Variants in LIMCH1 observed in about 807,000 individuals in gnomAD.
The protein encoded by LIMCH1 is LIM and calponin homology domains-containing protein 1.
In LIMCH1, 113 loss-of-function variants were observed where a neutral mutation model predicts 176.5. The ratio of observed to expected loss-of-function variants is 0.64; its 90% CI spans 0.55 to 0.75. The LOEUF is 0.75. Ranked by LOEUF, LIMCH1 falls within the 30% of genes least tolerant of loss-of-function variation. The probability of loss-of-function intolerance (pLI) is 0.00; values close to 1 mark genes in which losing one functional copy is unlikely to be tolerated. For synonymous variants in LIMCH1, 619 were observed against 645.9 expected (o/e 0.96, Z 0.63); for missense variants, 1,674 against 1,814.9 (o/e 0.92, Z 1.41).
Position 41,492,290 on chromosome 4 carries a change from A to G in LIMCH1, c.97-2246A>G, listed in dbSNP as rs2071218200. On this transcript the variant is annotated intron_variant, in intron 1 of 26. Coordinates refer to the LIMCH1 transcript ENST00000313860. ...GCGGTGTGTGCCTGGAATCCCAGGC[A>G]CTGGGCAGGCCGAGGCAGGAGAATC... Among the ~76,000 whole-genome samples, 2 of 152,140 alleles carry G rather than the reference A, an allele frequency of 1.3e-5. 1 individual carries two copies. Among genetic ancestry groups the G allele is most frequent in the Admixed American group, 1.3e-4 (2 of 15,276 alleles).
intron 3 of LIMCH1, among the ~76,000 whole-genome samples, chr4:41,525,994 G>A (rs2076614077): frequency 6.6e-6 from 1 of 152,020 alleles, no homozygotes; most frequent in African/African-American, 2.4e-5. Context: ...AAGAGAAAAG[G>A]CTTTCAAAAC....
At chr4:41,631,514 G>A (rs2093324370) in intron 10 of LIMCH1, 37 bp downstream of exon 10, 1 of 1,433,904 alleles carries the variant, frequency 7.0e-7, no homozygotes, top group South Asian at 1.4e-5. Flanking sequence ...ATATCTGCAT[G>A]GGAGTCACTG....
chr4:41,658,869 A>G (rs1477012480), intron 18 of LIMCH1, among the ~76,000 whole-genome samples: 3 of 152,162 alleles, frequency 2.0e-5, no homozygotes, highest in Non-Finnish European at 4.4e-5. Flanking sequence ...AGGCTCATTC[A>G]TCAATATTTA....
At chr4:41,693,584 T>C (rs941117288) in intron 31 of LIMCH1, among the ~76,000 whole-genome samples, 5 of 150,272 alleles carry the variant, frequency 3.3e-5, no homozygotes, top group Admixed American at 6.7e-5. Flanking sequence ...TAGTATACCA[T>C]ATATCATAAA....
intron 2 of LIMCH1, among the ~76,000 whole-genome samples, chr4:41,510,270 A>G (rs919095862): frequency 6.6e-6 from 1 of 152,226 alleles, no homozygotes; most frequent in Non-Finnish European, 1.5e-5. Context: ...AGAATGATCA[A>G]TTAATTTAAG....
chr4:41,557,391 T>C (rs927161144), intron 1 of LIMCH1, among the ~76,000 whole-genome samples: 5 of 152,118 alleles, frequency 3.3e-5, no homozygotes, highest in Admixed American at 3.3e-4. Flanking sequence ...CTAACTCCAC[T>C]CTCTCATACA....
At chr4:41,590,707 CA>C (rs1326472950) in intron 1 of LIMCH1, among the ~76,000 whole-genome samples, 1 of 152,168 alleles carries the variant, frequency 6.6e-6, no homozygotes, top group Non-Finnish European at 1.5e-5. Flanking sequence ...CCTTCTGGGT[CA>C]AACGTCCCCA....
intron 1 of LIMCH1, among the ~76,000 whole-genome samples, chr4:41,413,587 C>T (rs2059679433): frequency 6.6e-6 from 1 of 151,136 alleles, no homozygotes; most frequent in Admixed American, 6.6e-5. Context: ...ATCCTCCTGT[C>T]TCAGCTTCTC....
chr4:41,467,127 A>G (rs950997885), intron 1 of LIMCH1, among the ~76,000 whole-genome samples: 2 of 149,658 alleles, frequency 1.3e-5, no homozygotes, highest in Non-Finnish European at 2.9e-5. Flanking sequence ...AAGCTGAGTA[A>G]TATTCCCATA....
intron 1 of LIMCH1, among the ~76,000 whole-genome samples, chr4:41,553,317 T>A (rs2080790763): frequency 6.6e-6 from 1 of 152,188 alleles, no homozygotes; most frequent in Non-Finnish European, 1.5e-5. Context: ...GATGGATATA[T>A]TCACAAAGTG....
intron 1 of LIMCH1, among the ~76,000 whole-genome samples, chr4:41,589,206 G>C (rs888604225): frequency 2.0e-5 from 3 of 152,168 alleles, no homozygotes; most frequent in African/African-American, 7.2e-5. Flanking sequence ...TGGAAGAAGA[G>C]GGACTAAGGT....
At chr4:41,415,438 C>T (rs2059838056) in intron 1 of LIMCH1, among the ~76,000 whole-genome samples, 1 of 151,844 alleles carries the variant, frequency 6.6e-6, no homozygotes, top group Non-Finnish European at 1.5e-5. Context: ...AATTTTATGG[C>T]AATAATATGT....
intron 17 of LIMCH1, among the ~76,000 whole-genome samples, chr4:41,648,390 T>C (rs1012418583): frequency 1.3e-5 from 2 of 152,088 alleles, no homozygotes; most frequent in African/African-American, 4.8e-5. Flanking sequence ...TGGAGCAAGG[T>C]GGTATGGCGG....
chr4:41,622,997 C>T (rs377333002), intron 7 of LIMCH1, among the ~76,000 whole-genome samples: 2 of 152,188 alleles, frequency 1.3e-5, no homozygotes, highest in Admixed American at 6.5e-5. Flanking sequence ...TGCCAGCCAG[C>T]GCTCTCACAA....
intron 17 of LIMCH1, among the ~76,000 whole-genome samples, chr4:41,647,369 A>G (rs2094109813): frequency 6.6e-6 from 1 of 152,222 alleles, no homozygotes; most frequent in Non-Finnish European, 1.5e-5. Flanking sequence ...ATCCAAAAAG[A>G]TTTTACAATT....
intron 3 of LIMCH1, among the ~76,000 whole-genome samples, chr4:41,532,450 C>T (rs963077449): frequency 1.3e-5 from 2 of 152,188 alleles, no homozygotes; most frequent in Non-Finnish European, 2.9e-5. Flanking sequence ...AAGTAACATT[C>T]GAGTAACATT....
intron 4 of LIMCH1, among the ~76,000 whole-genome samples, chr4:41,611,968 G>A (rs2091470737): frequency 6.6e-6 from 1 of 152,154 alleles, no homozygotes; most frequent in Non-Finnish European, 1.5e-5. Flanking sequence ...CTAAGAGTAA[G>A]CTACCTTAAT....
chr4:41,460,907 C>T (rs2154152974), intron 1 of LIMCH1, among the ~76,000 whole-genome samples: 1 of 152,302 alleles, frequency 6.6e-6, no homozygotes, highest in African/African-American at 2.4e-5. Context: ...AGGTGCTGCA[C>T]ATTGGCCCAT....
At chr4:41,531,524 C>A (rs967373666) in intron 3 of LIMCH1, among the ~76,000 whole-genome samples, 3 of 106,038 alleles carry the variant, frequency 2.8e-5, no homozygotes, top group African/African-American at 1.0e-4. Context: ...ACATACACAC[C>A]TTATACTTGC....
Sources: allele counts gnomAD v4.1 joint callset (sites outside exome capture counted in the v4.1 genomes callset), GRCh38; gene constraint gnomAD v4.1.1; transcripts MANE v1.5; gene names NCBI Gene and HGNC (gene_info 2026-07-23, HGNC 2026-07-21).